Variants in ZMYM6 observed in about 807,000 individuals in gnomAD.
The protein encoded by ZMYM6 is zinc finger MYM-type protein 6.
ZMYM6 carries 90 observed loss-of-function variants against 134.0 expected under a neutral mutation model. The observed-to-expected ratio is 0.67, with a 90% CI of 0.57 to 0.80. The LOEUF (loss-of-function observed/expected upper bound fraction) is 0.80. Ranked by LOEUF, ZMYM6 falls within the 30% of genes least tolerant of loss-of-function variation. The pLI is 0.00. For missense variants in ZMYM6, 1,362 were observed against 1,533.9 expected, an observed-to-expected ratio of 0.89 and a Z score of 1.87; for synonymous variants, 481 against 524.1, an observed-to-expected ratio of 0.92 and a Z score of 1.12.
Position 34,988,723 on chromosome 1 carries a change from G to T in ZMYM6, c.2359C>A (p.His787Asn). 3 of 1,551,312 alleles carry T rather than the reference G, an allele frequency of 1.9e-6. No homozygotes were observed. Among genetic ancestry groups the T allele is most frequent in the South Asian group, 1.2e-5 (1 of 83,902 alleles). ...TCTGAATGTTTTGTCTTCAAATGATGAGAAAGATTTGCTGGCTTCATGTTT... is the reference window on the plus strand; with the variant it reads ...TCTGAATGTTTTGTCTTCAAATGATTAGAAAGATTTGCTGGCTTCATGTTT... ...SENMKPANLS[H>N]HLKTKHSELE... Residue 787 changes from histidine to asparagine, a missense_variant, in exon 16 of 16, where the codon CAT (histidine) becomes AAT (asparagine). By Grantham distance (68) the His-to-Asn change is moderately conservative. Transcript: ENST00000357182.
chr1:35,025,837 A>C (rs551080699), intron 2 of ZMYM6, among the ~76,000 whole-genome samples: 2 of 152,252 alleles, frequency 1.3e-5, no homozygotes, highest in East Asian at 3.9e-4. Flanking sequence ...ACTATCTAGG[A>C]CTCAGCTTCC....
Position 34,992,202 on chromosome 1 carries a change from C to G in ZMYM6, c.2146+32G>C, listed in dbSNP as rs544910625. ...AAAAACAAACAAGCCAGAAAACAAG[C>G]TTTGTACATGGGAACGCACAAGGAT... On this transcript the variant is annotated intron_variant, in intron 15 of 15. Coordinates refer to ENST00000357182, the MANE Select transcript of ZMYM6 (RefSeq NM_007167.4). The G allele has an allele frequency of 2.4e-5, 39 of 1,613,284 alleles. No homozygotes were observed. In the South Asian group the frequency reaches 4.3e-4, roughly 18 times the overall value.
intron 14 of ZMYM6, among the ~76,000 whole-genome samples, chr1:34,995,893 A>G (rs1170450824): frequency 6.6e-6 from 1 of 152,216 alleles, no homozygotes; most frequent in Non-Finnish European, 1.5e-5. Context: ...GTCACTTAGC[A>G]AACTATCTTG....
At chr1:34,998,864 T>C (rs1640831992) in intron 14 of ZMYM6, among the ~76,000 whole-genome samples, 1 of 152,082 alleles carries the variant, frequency 6.6e-6, no homozygotes, top group South Asian at 2.1e-4. Flanking sequence ...GGCTCACACC[T>C]GTATCCTAGC....
intron 14 of ZMYM6, among the ~76,000 whole-genome samples, chr1:35,002,082 T>C (rs893208005): frequency 6.6e-6 from 1 of 152,238 alleles, no homozygotes; most frequent in Non-Finnish European, 1.5e-5. Context: ...GTCACTTTAC[T>C]GTTAGTTGTG....
intron 14 of ZMYM6, among the ~76,000 whole-genome samples, chr1:34,993,753 A>G (rs1201555372): frequency 6.6e-6 from 1 of 151,744 alleles, no homozygotes; most frequent in Non-Finnish European, 1.5e-5. Flanking sequence ...GCATGATCTC[A>G]GCTCACTGCA....
intron 10 of ZMYM6, among the ~76,000 whole-genome samples, chr1:35,009,138 G>C (rs547536999): frequency 4.6e-5 from 7 of 152,124 alleles, no homozygotes; most frequent in Non-Finnish European, 7.4e-5. Context: ...CACTCGTTTT[G>C]CCCAGGCTGG....
intron 15 of ZMYM6, chr1:34,989,448 G>C (rs1640630862): frequency 6.2e-6 from 1 of 161,876 alleles, no homozygotes; most frequent in African/African-American, 2.4e-5. Context: ...CCAGCTACTT[G>C]GGTAGCTAAA....
chr1:35,000,080 G>A (rs1640854131), intron 14 of ZMYM6, among the ~76,000 whole-genome samples: 1 of 150,894 alleles, frequency 6.6e-6, no homozygotes, highest in East Asian at 2.0e-4. Context: ...CTATAGGCGT[G>A]CACCACCATA....
At chr1:35,020,490 G>C (rs1373469101) in intron 2 of ZMYM6, 23 bp from the exon 3 acceptor site, 29 of 1,511,370 alleles carry the variant, frequency 1.9e-5, no homozygotes, top group Non-Finnish European at 2.6e-5. Flanking sequence ...AAAGAAAAGA[G>C]AAAAGAGCAA....
Position 34,988,627 on chromosome 1 carries a change from T to C in ZMYM6, c.2455A>G (p.Lys819Glu). 6.5e-7 allele frequency: 1 copy of C among 1,548,680 alleles called. No individual in the cohort carries two copies. The highest frequency in any genetic ancestry group is 8.7e-7 in the Non-Finnish European group (1 of 1,146,160). The change falls in exon 16 of 16, where the codon AAA (lysine) becomes GAA (glutamate). Residue 819 changes from lysine to glutamate, a missense_variant. Lys to Glu is a moderately conservative substitution (Grantham distance 56). This residue lies in a region of ZMYM6 where 824 missense variants were observed against 940.9 expected (regional missense o/e 0.88). Coordinates refer to ENST00000357182, the MANE Select transcript of ZMYM6 (RefSeq NM_007167.4). Reference sequence around the variant, plus strand: ...GACTTTTCAACTAGTAAACACTTTTTTAAAGAACTATTTTGACATTCCATT... The same window carrying C: ...GACTTTTCAACTAGTAAACACTTTTCTAAAGAACTATTTTGACATTCCATT... ...LEMECQNSSLKKCLLVEKSLV... is the reference protein window; with the variant it reads ...LEMECQNSSLEKCLLVEKSLV...
At chr1:35,020,636 G>A (rs555116912) in intron 2 of ZMYM6, among the ~76,000 whole-genome samples, 169 bp from the exon 3 acceptor site, 3 of 146,126 alleles carry the variant, frequency 2.1e-5, no homozygotes, top group African/African-American at 5.1e-5. Flanking sequence ...GCAGTGGCGC[G>A]ATCTCAGCTC....
intron 2 of ZMYM6, among the ~76,000 whole-genome samples, chr1:35,025,297 T>C (rs553088175): frequency 7.3e-5 from 11 of 150,706 alleles, no homozygotes; most frequent in African/African-American, 2.7e-4. Flanking sequence ...TGAAACCCCG[T>C]CTCTATTAAA....
intron 14 of ZMYM6, among the ~76,000 whole-genome samples, chr1:35,001,066 T>C (rs1392353258): frequency 6.6e-6 from 1 of 152,202 alleles, no homozygotes; most frequent in Non-Finnish European, 1.5e-5. Context: ...GAGTCTACAA[T>C]TGCAACCATA....
intron 14 of ZMYM6, among the ~76,000 whole-genome samples, chr1:34,994,648 T>G (rs1276888569): frequency 6.6e-6 from 1 of 152,154 alleles, no homozygotes; most frequent in African/African-American, 2.4e-5. Context: ...AAATTTAATT[T>G]AAACAAAAGT....
At chr1:35,005,629 C>CAA (rs1182722333) in intron 12 of ZMYM6, among the ~76,000 whole-genome samples, 1,482 of 58,592 alleles carry the variant, frequency 0.025, 39 homozygotes, top group African/African-American at 0.056. Flanking sequence ...AACCTAGTCT[C>CAA]AAAAAAAAAA....
chr1:35,004,087 T>C, intron 13 of ZMYM6, 82 bp from the exon 14 acceptor site: 1 of 1,274,852 alleles, frequency 7.8e-7, no homozygotes, highest in Non-Finnish European at 1.1e-6. Flanking sequence ...TTTCCTCCCA[T>C]TAAGCTGGGC....
At chr1:35,031,307 C>G (rs967472523) in intron 1 of ZMYM6, 9 of 152,374 alleles carry the variant, frequency 5.9e-5, no homozygotes, top group African/African-American at 1.9e-4. Flanking sequence ...GGGCATCAAG[C>G]CCCTCAGAGC....
At chr1:35,027,485 A>C (rs1424083585) in intron 2 of ZMYM6, among the ~76,000 whole-genome samples, 3 of 152,204 alleles carry the variant, frequency 2.0e-5, no homozygotes. Flanking sequence ...ATGATGGCTC[A>C]TGCCTGTAAT....
Sources: allele counts gnomAD v4.1 joint callset (sites outside exome capture counted in the v4.1 genomes callset), GRCh38; gene constraint gnomAD v4.1.1; regional missense constraint gnomAD v4.1.1; transcripts MANE v1.5; gene names NCBI Gene and HGNC (gene_info 2026-07-23, HGNC 2026-07-21).